Variants in DCDC2 observed in about 807,000 individuals in gnomAD.
DCDC2 encodes doublecortin domain containing 2, also known as doublecortin domain-containing protein 2.
Under a neutral mutation model 50.2 loss-of-function variants are expected in DCDC2, and 40 were observed. That is an observed-to-expected ratio of 0.80 (90% confidence interval 0.62 to 1.04). The LOEUF (loss-of-function observed/expected upper bound fraction) is 1.04. DCDC2 is among the 50% of genes least tolerant of loss of function. DCDC2 has a pLI of 0.00. For missense variants in DCDC2, 570 were observed against 581.9 expected (o/e 0.98, Z 0.21); for synonymous variants, 234 against 210.6 (o/e 1.11, Z -0.96).
chr6:24,382,600 G>A, the DCDC2 span, among the ~76,000 whole-genome samples: 1 of 152,230 alleles, frequency 6.6e-6, no homozygotes, highest in East Asian at 1.9e-4. Context: ...TAATCCTTCT[G>A]TAATTTAAGG....
At chr6:24,374,034 C>T in the DCDC2 span, among the ~76,000 whole-genome samples, 2 of 151,656 alleles carry the variant, frequency 1.3e-5, no homozygotes, top group African/African-American at 2.4e-5. Context: ...TGGTGGCGGG[C>T]GCCTGTAGTT....
At chr6:24,229,274 T>A (rs1311925981) in intron 7 of DCDC2, among the ~76,000 whole-genome samples, 2 of 152,216 alleles carry the variant, frequency 1.3e-5, no homozygotes, top group Non-Finnish European at 2.9e-5. Context: ...GAAGCCATCT[T>A]CACTCCTTGG....
chr6:24,283,785 C>T (rs755615071), intron 6 of DCDC2, among the ~76,000 whole-genome samples: 8 of 152,308 alleles, frequency 5.3e-5, no homozygotes, highest in Non-Finnish European at 1.2e-4. Flanking sequence ...GATTTACTGG[C>T]ATAGGAAGTT....
intron 4 of DCDC2, among the ~76,000 whole-genome samples, chr6:24,293,085 G>A (rs1727164697): frequency 6.6e-6 from 1 of 152,190 alleles, no homozygotes; most frequent in Non-Finnish European, 1.5e-5. Context: ...TTCCTCTGCA[G>A]GTAAGTAAAA....
chr6:24,348,446 C>T (rs1424344917), intron 2 of DCDC2, among the ~76,000 whole-genome samples: 1 of 152,174 alleles, frequency 6.6e-6, no homozygotes, highest in African/African-American at 2.4e-5. Context: ...TTTTACAGCC[C>T]TGTGCCACCA....
At position 24,233,938 on chromosome 6, in the gene DCDC2, A is replaced by T. The variant is rs1660510869; in HGVS notation, c.923-28836T>A. Among the ~76,000 whole-genome samples the T allele has an allele frequency of 2.0e-5, 3 of 152,216 alleles. 1 individual carries two copies. Among genetic ancestry groups the T allele is most frequent in the Admixed American group, 6.5e-5 (1 of 15,280 alleles). ...ACAAACATTTACTGAGTATCTACTA[A>T]ATGCCAGCTTAAATGCAAATTATAC... On this transcript the variant is annotated intron_variant, in intron 7 of 9. Coordinates refer to ENST00000378454, the MANE Select transcript of DCDC2 (RefSeq NM_016356.5).
chr6:24,334,397 G>C (rs1157772627), intron 2 of DCDC2, among the ~76,000 whole-genome samples: 1 of 152,142 alleles, frequency 6.6e-6, no homozygotes, highest in African/African-American at 2.4e-5. Flanking sequence ...AGGTAACTCA[G>C]AGCAGAGGTT....
intron 9 of DCDC2, 60 bp downstream of exon 9, chr6:24,178,270 C>A: frequency 1.3e-6 from 2 of 1,494,536 alleles, no homozygotes; most frequent in African/African-American, 1.4e-5. Context: ...TCTGAATGCA[C>A]GCATGTACAC....
intron 2 of DCDC2, among the ~76,000 whole-genome samples, chr6:24,337,236 C>T (rs1257327932): frequency 6.6e-6 from 1 of 152,128 alleles, no homozygotes; most frequent in Non-Finnish European, 1.5e-5. Flanking sequence ...AAAATGCATT[C>T]AGTGATTCTC....
chr6:24,317,428 G>A (rs879587167), intron 2 of DCDC2, among the ~76,000 whole-genome samples: 2 of 151,864 alleles, frequency 1.3e-5, no homozygotes, highest in Admixed American at 6.6e-5. Context: ...GGGACAGTGG[G>A]GTAGCCTAGG....
chr6:24,329,556 T>C (rs1759930950), intron 2 of DCDC2, among the ~76,000 whole-genome samples: 1 of 152,176 alleles, frequency 6.6e-6, no homozygotes, highest in Admixed American at 6.5e-5. Context: ...GACAGGCAAC[T>C]TGGGCAACAA....
At chr6:24,277,973 T>TG in intron 7 of DCDC2, 76 bp downstream of exon 7, 1 of 1,216,604 alleles carries the variant, frequency 8.2e-7, no homozygotes, top group Non-Finnish European at 1.1e-6. Flanking sequence ...ATATCTTCTG[T>TG]GGGCCCAGAG....
Position 24,283,721 on chromosome 6 carries a change from T to C in DCDC2, c.759+5131A>G, listed in dbSNP as rs113397984. Among the ~76,000 whole-genome samples, 1,471 of 152,258 alleles carry C rather than the reference T, an allele frequency of 9.7e-3. 12 individuals carry two copies. Among genetic ancestry groups the C allele is most frequent in the Non-Finnish European group, 0.015 (1,003 of 68,004 alleles). ...TGCATGCATTCTCCTGGGAACCAAT[T>C]CATTAAAGGAAAGGAGTAAATTAAT... is the stretch of plus-strand genomic sequence containing the variant. On this transcript the variant is annotated intron_variant, in intron 6 of 9. Transcript: ENST00000378454.
At chr6:24,231,505 CA>C (rs2113783376) in intron 7 of DCDC2, among the ~76,000 whole-genome samples, 1 of 152,324 alleles carries the variant, frequency 6.6e-6, no homozygotes, top group East Asian at 1.9e-4. Flanking sequence ...TTTCTGGACA[CA>C]GTCCTTTCCA....
At chr6:24,374,444 G>A in the DCDC2 span, among the ~76,000 whole-genome samples, 1 of 151,846 alleles carries the variant, frequency 6.6e-6, no homozygotes, top group South Asian at 2.1e-4. Context: ...GCCAGGCATG[G>A]TGGCTCACAT....
chr6:24,247,063 T>C (rs560815331), intron 7 of DCDC2, among the ~76,000 whole-genome samples: 1 of 152,098 alleles, frequency 6.6e-6, no homozygotes, highest in South Asian at 2.1e-4. Flanking sequence ...GGTCTTAACA[T>C]ATATAAAGGG....
At chr6:24,205,952 T>C (rs749337363) in intron 7 of DCDC2, among the ~76,000 whole-genome samples, 5 of 152,178 alleles carry the variant, frequency 3.3e-5, no homozygotes, top group Non-Finnish European at 5.9e-5. Flanking sequence ...GGGATGGCGA[T>C]TTTACCTCCT....
chr6:24,314,661 T>C (rs1421718240), intron 2 of DCDC2, among the ~76,000 whole-genome samples: 1 of 152,128 alleles, frequency 6.6e-6, no homozygotes, highest in Non-Finnish European at 1.5e-5. Context: ...AAATGAACAT[T>C]GACTAGATCA....
At chr6:24,195,143 A>T (rs971960168) in intron 8 of DCDC2, among the ~76,000 whole-genome samples, 2 of 152,162 alleles carry the variant, frequency 1.3e-5, no homozygotes, top group Non-Finnish European at 2.9e-5. Flanking sequence ...GCACTCTGCT[A>T]GCAAGAGACA....
Sources: allele counts gnomAD v4.1 joint callset (sites outside exome capture counted in the v4.1 genomes callset), GRCh38; gene constraint gnomAD v4.1.1; transcripts MANE v1.5; gene names NCBI Gene and HGNC (gene_info 2026-07-23, HGNC 2026-07-21).